Variants in KCNH1 observed in about 807,000 individuals in gnomAD.
KCNH1 encodes potassium voltage-gated channel subfamily H member 1, also known as voltage-gated delayed rectifier potassium channel KCNH1.
A neutral mutation model predicts 69.2 loss-of-function variants in KCNH1; 27 were observed. The observed-to-expected ratio is 0.39, with a 90% CI of 0.29 to 0.54. The LOEUF (loss-of-function observed/expected upper bound fraction) is 0.54, where lower values mean the gene tolerates loss of function less well. KCNH1 is among the 20% of genes least tolerant of loss of function. KCNH1 has a pLI of 0.68. For missense variants in KCNH1, 798 were observed against 1,261.6 expected, an observed-to-expected ratio of 0.63 and a Z score of 5.57; for synonymous variants, 456 against 487.7, an observed-to-expected ratio of 0.93 and a Z score of 0.86.
At chr1:210,899,480 T>C (rs968140924) in intron 7 of KCNH1, among the ~76,000 whole-genome samples, 2 of 127,974 alleles carry the variant, frequency 1.6e-5, no homozygotes, top group African/African-American at 7.3e-5. Context: ...GATATATATC[T>C]CACTTATGAG....
intron 5 of KCNH1, among the ~76,000 whole-genome samples, chr1:211,030,671 G>T (rs1689765929): frequency 1.3e-5 from 2 of 151,608 alleles, no homozygotes; most frequent in African/African-American, 4.8e-5. Context: ...GAAAAAAAAA[G>T]AAAATCTTCA....
intron 7 of KCNH1, among the ~76,000 whole-genome samples, chr1:210,913,896 A>G (rs1012019363): frequency 4.1e-4 from 63 of 152,332 alleles, no homozygotes; most frequent in African/African-American, 1.4e-3. Context: ...TGATGTGAAC[A>G]AAAGTGATAG....
intron 7 of KCNH1, among the ~76,000 whole-genome samples, chr1:210,895,936 C>A (rs1274884919): frequency 6.6e-6 from 1 of 152,080 alleles, no homozygotes; most frequent in Non-Finnish European, 1.5e-5. Flanking sequence ...GATAAGCAAT[C>A]CTACGGTAAT....
At chr1:210,713,352 C>T (rs1238624660) in intron 10 of KCNH1, among the ~76,000 whole-genome samples, 8 of 152,086 alleles carry the variant, frequency 5.3e-5, no homozygotes, top group African/African-American at 1.9e-4. Flanking sequence ...CCCTTAATTC[C>T]CAAAGAGACC....
In KCNH1 at chr1:211,134,022, C is replaced by A; in HGVS notation, c.-77G>T. On this transcript the variant is annotated 5_prime_UTR_variant, in exon 1 of 11. Coordinates refer to ENST00000271751, the MANE Select transcript of KCNH1 (RefSeq NM_172362.3). This position sits in a 1 kb window ranked among gnomAD's most constrained non-coding sequence, Gnocchi z 5.7. ...AGCAGGAAACTGGCCTCGGGGCCCGCACGCAGTCCCGGCTCGAAGCGCCCC... is the reference window on the plus strand; with the variant it reads ...AGCAGGAAACTGGCCTCGGGGCCCGAACGCAGTCCCGGCTCGAAGCGCCCC... The A allele has an allele frequency of 7.6e-7, 1 of 1,316,176 alleles. No homozygotes were observed. The highest frequency in any genetic ancestry group is 1.1e-6 in the Non-Finnish European group (1 of 921,812). 81.5% of individuals were successfully genotyped at this position (1,316,176 alleles called of 1,614,324 possible).
chr1:210,838,832 T>C (rs1685344223), intron 7 of KCNH1, among the ~76,000 whole-genome samples: 1 of 152,076 alleles, frequency 6.6e-6, no homozygotes, highest in African/African-American at 2.4e-5. Context: ...CACTAATCAT[T>C]AGAGAAATGC....
chr1:210,866,910 C>T (rs974450283), intron 7 of KCNH1, among the ~76,000 whole-genome samples: 2 of 145,924 alleles, frequency 1.4e-5, no homozygotes, highest in Non-Finnish European at 3.1e-5. Flanking sequence ...TATAGCCATA[C>T]AATAAATTAT....
chr1:211,129,950 C>T (rs2102505134), intron 1 of KCNH1, among the ~76,000 whole-genome samples: 1 of 152,312 alleles, frequency 6.6e-6, no homozygotes, highest in South Asian at 2.1e-4. Flanking sequence ...GGTTCCCGAA[C>T]ACTAAAACAT....
chr1:211,002,417 G>T (rs1689206573), intron 6 of KCNH1, among the ~76,000 whole-genome samples: 1 of 150,024 alleles, frequency 6.7e-6, no homozygotes, highest in South Asian at 2.1e-4. Context: ...ATTTCATGTA[G>T]AATGTCCAGT....
chr1:210,964,779 C>T (rs1013095301), intron 6 of KCNH1, among the ~76,000 whole-genome samples: 3 of 152,136 alleles, frequency 2.0e-5, no homozygotes, highest in Admixed American at 1.3e-4. Context: ...GATATCAAAA[C>T]CTGGCAGAGA....
At chr1:210,917,557 T>C (rs1372821452) in intron 7 of KCNH1, among the ~76,000 whole-genome samples, 3 of 152,190 alleles carry the variant, frequency 2.0e-5, no homozygotes, top group Non-Finnish European at 4.4e-5. Flanking sequence ...TCTTTTCTTC[T>C]AGGTAAGAAG....
intron 4 of KCNH1, among the ~76,000 whole-genome samples, chr1:211,088,720 C>A (rs935255063): frequency 2.6e-5 from 4 of 152,176 alleles, no homozygotes; most frequent in Non-Finnish European, 5.9e-5. Context: ...TTTTATGAAT[C>A]AAGCCACAAG....
chr1:210,738,504 G>A (rs12124855), intron 10 of KCNH1, among the ~76,000 whole-genome samples: 2 of 144,918 alleles, frequency 1.4e-5, no homozygotes, highest in Non-Finnish European at 1.5e-5. Flanking sequence ...CATCCCAGCA[G>A]TAATGCCCTG....
At chr1:210,947,206 C>G (rs945447673) in intron 6 of KCNH1, among the ~76,000 whole-genome samples, 1 of 152,150 alleles carries the variant, frequency 6.6e-6, no homozygotes, top group African/African-American at 2.4e-5. Flanking sequence ...CTAGAGTTAT[C>G]TTCTTCCTTA....
intron 7 of KCNH1, among the ~76,000 whole-genome samples, chr1:210,917,759 T>C (rs1687377791): frequency 6.6e-6 from 1 of 152,174 alleles, no homozygotes; most frequent in South Asian, 2.1e-4. Flanking sequence ...ATCTGGTTGT[T>C]TATCGGGTGC....
chr1:210,720,563 G>T (rs1481371224), intron 10 of KCNH1, among the ~76,000 whole-genome samples: 1 of 152,144 alleles, frequency 6.6e-6, no homozygotes, highest in Non-Finnish European at 1.5e-5. Flanking sequence ...AATCGTAAGG[G>T]ATAGAATTTT....
intron 10 of KCNH1, among the ~76,000 whole-genome samples, chr1:210,750,650 A>G (rs1683261916): frequency 6.6e-6 from 1 of 152,080 alleles, no homozygotes; most frequent in African/African-American, 2.4e-5. Flanking sequence ...TGGCTGGGCC[A>G]GGATGGGATT....
At chr1:211,024,205 C>T (rs1689640424) in intron 5 of KCNH1, among the ~76,000 whole-genome samples, 1 of 152,136 alleles carries the variant, frequency 6.6e-6, no homozygotes. Flanking sequence ...AAATCAAAAT[C>T]ATTTCAAATT....
intron 6 of KCNH1, among the ~76,000 whole-genome samples, chr1:210,958,524 TC>T (rs1455315363): frequency 6.6e-6 from 1 of 152,200 alleles, no homozygotes; most frequent in African/African-American, 2.4e-5. Context: ...GGTTCCATTC[TC>T]CCCATCACTT....
Sources: allele counts gnomAD v4.1 joint callset (sites outside exome capture counted in the v4.1 genomes callset), GRCh38; gene constraint gnomAD v4.1.1; non-coding constraint Gnocchi (gnomAD v3.1); transcripts MANE v1.5; gene names NCBI Gene and HGNC (gene_info 2026-07-23, HGNC 2026-07-21).